ATP8B3: variants seen among roughly 807,000 people sequenced by gnomAD.
ATP8B3 encodes the protein ATPase phospholipid transporting 8B3, also known as phospholipid-transporting ATPase IK.
In ATP8B3, 141 loss-of-function variants were observed where a neutral mutation model predicts 140.9. The observed-to-expected ratio is 1.00, with a 90% CI of 0.87 to 1.15. The LOEUF (loss-of-function observed/expected upper bound fraction) is 1.15. ATP8B3 is among the 50% of genes most tolerant of loss of function. The probability of loss-of-function intolerance (pLI) is 0.00; values close to 1 mark genes in which losing one functional copy is unlikely to be tolerated. For synonymous variants in ATP8B3, 765 were observed against 714.6 expected (o/e 1.07, Z -1.13); for missense variants, 1,874 against 1,740.6 (o/e 1.08, Z -1.36).
Position 1,785,817 on chromosome 19 carries a change from T to C in ATP8B3, c.3154-109A>G, listed in dbSNP as rs2145170047. 5.8e-6 allele frequency: 7 copies of C among 1,209,652 alleles called. No homozygotes were observed. In the East Asian group the frequency reaches 1.8e-4, roughly 31 times the overall value. 74.9% of individuals were successfully genotyped at this position (1,209,652 alleles called of 1,614,324 possible). On this transcript the variant is annotated intron_variant, in intron 25 of 28. Transcript: ENST00000310127. ...AGGGTGGCCACTCTCTGTGTGTGGC[T>C]CTTTGAGTTTAAGTGAGTTAAAATA...
chr19:1,796,595 G>T, intron 16 of ATP8B3, 116 bp downstream of exon 16: 1 of 1,341,536 alleles, frequency 7.5e-7, no homozygotes, highest in Non-Finnish European at 9.9e-7. Flanking sequence ...CGGCCTCAGC[G>T]CCCCCCAAGC....
Position 1,811,575 on chromosome 19 carries a change from C to T in ATP8B3, c.162G>A (p.Met54Ile), listed in dbSNP as rs2069189256. The change falls in exon 2 of 29, where the codon ATG becomes ATA. Residue 54 changes from methionine (M) to isoleucine (I), a missense_variant. Coordinates refer to ENST00000310127, the MANE Select transcript of ATP8B3 (RefSeq NM_138813.4). ...RGGETVIRAG[M>I]GDSPGRGAPE... The stretch of plus-strand genomic sequence containing the variant: ...GTGCCCCTCTGCCTGGGGAGTCTCC[C>T]ATCCCAGCTCTGATCACCGTCTCAC... 1 of 1,612,300 alleles carries T rather than the reference C, an allele frequency of 6.2e-7. No homozygotes were observed. The highest frequency in any genetic ancestry group is 1.3e-5 in the African/African-American group (1 of 74,946).
Position 1,796,710 on chromosome 19 carries a change from C to A in ATP8B3, c.1753+1G>T, listed in dbSNP as rs1358676668. 1 of 1,608,802 alleles carries A rather than the reference C, an allele frequency of 6.2e-7. No homozygotes were observed. The highest frequency in any genetic ancestry group is 8.5e-7 in the Non-Finnish European group (1 of 1,178,764). Reference sequence around the variant, plus strand: ...AGAGATGGGGAGGTGGGTGGGCGCACCTGGGCGCTCACGGGGGCTCTCCCG... The same window carrying A: ...AGAGATGGGGAGGTGGGTGGGCGCAACTGGGCGCTCACGGGGGCTCTCCCG... On this transcript the variant is annotated splice_donor_variant, in intron 16 of 28. Coordinates refer to ENST00000310127, the MANE Select transcript of ATP8B3 (RefSeq NM_138813.4). LOFTEE classifies it high-confidence loss of function.
Position 1,811,792 on chromosome 19 carries a change from G to C in ATP8B3, c.-56C>G. 6.6e-7 allele frequency: 1 copy of C among 1,512,076 alleles called. No homozygotes were observed. Among genetic ancestry groups the C allele is most frequent in the Non-Finnish European group, 8.8e-7 (1 of 1,135,366 alleles). The allele number at this position is 1,512,076 out of a possible 1,614,324, so 93.7% of individuals were successfully genotyped here. A position where few individuals can be genotyped will look rare whatever the true frequency, so the allele number is the denominator to read the frequency against. On this transcript the variant is annotated 5_prime_UTR_variant, in exon 2 of 29. Coordinates refer to ENST00000310127, the MANE Select transcript of ATP8B3 (RefSeq NM_138813.4). ...CGAAGAGGGGTTTAGGCTGTGGGAC[G>C]GGGGAGAGGTGGGGGAGACCCCCGT...
At chr19:1,798,513 C>T (rs1361884736) in intron 14 of ATP8B3, among the ~76,000 whole-genome samples, 9 of 150,134 alleles carry the variant, frequency 6.0e-5, no homozygotes, top group Non-Finnish European at 8.9e-5. Flanking sequence ...CTGAGGCAGG[C>T]AGATCACGAG....
intron 10 of ATP8B3, among the ~76,000 whole-genome samples, chr19:1,803,703 C>T (rs958226389): frequency 6.6e-5 from 10 of 152,026 alleles, no homozygotes; most frequent in Admixed American, 2.0e-4. Flanking sequence ...TCGAGACCAG[C>T]CTCACCAACA....
chr19:1,805,831 T>C lies in ATP8B3; in HGVS notation c.821+57A>G. On this transcript the variant is annotated intron_variant, in intron 9 of 28. Coordinates refer to ENST00000310127, the MANE Select transcript of ATP8B3 (RefSeq NM_138813.4). The surrounding 1 kb of genome is among the most constrained non-coding windows in gnomAD (Gnocchi z 5.2). ...CTCCTTGGTGACTGGGGAAGGGGGC[T>C]CCTCCGGGCCATGCTCCCCACCCCC... 6 of 1,599,796 alleles carry C rather than the reference T, an allele frequency of 3.8e-6. No individual in the cohort carries two copies. The East Asian group carries it at 6.7e-5, about 18-fold the overall frequency.
intron 24 of ATP8B3, among the ~76,000 whole-genome samples, chr19:1,787,392 C>T (rs1217635078): frequency 6.6e-6 from 1 of 152,124 alleles, no homozygotes; most frequent in African/African-American, 2.4e-5. Context: ...CAAATTCCCT[C>T]ATAATGGCAC....
Position 1,806,390 on chromosome 19 carries a change from T to C in ATP8B3, c.678-221A>G, listed in dbSNP as rs2069020622. 2 of 1,442,972 alleles carry C rather than the reference T, an allele frequency of 1.4e-6. No individual in the cohort carries two copies. The highest frequency in any genetic ancestry group is 1.8e-6 in the Non-Finnish European group (2 of 1,104,806). 89.4% of individuals were successfully genotyped at this position (1,442,972 alleles called of 1,614,324 possible). ...TCCTGCACCCACGTCCTCTTCAGAC[T>C]TTCCTTGTCCTCCCCATCGCCCGAG... On this transcript the variant is annotated intron_variant, in intron 7 of 28. Coordinates refer to ENST00000310127, the MANE Select transcript of ATP8B3 (RefSeq NM_138813.4). This position sits in a 1 kb window ranked among gnomAD's most constrained non-coding sequence, Gnocchi z 5.6.
At chr19:1,810,724 G>A in intron 2 of ATP8B3, 41 bp from the exon 3 acceptor site, 1 of 1,587,040 alleles carries the variant, frequency 6.3e-7, no homozygotes, top group East Asian at 2.3e-5. Context: ...AGTGACCCCA[G>A]CCCTTGCTGG....
chr19:1,784,796 C>A, intron 28 of ATP8B3, 23 bp downstream of exon 28: 2 of 1,577,604 alleles, frequency 1.3e-6, no homozygotes, highest in Non-Finnish European at 1.7e-6. Flanking sequence ...CAGATGAGGA[C>A]CCCAGGCCCA....
chr19:1,784,848 A>G lies in ATP8B3; in HGVS notation c.3631T>C (p.Phe1211Leu), dbSNP rs767293026. 163 of 1,610,086 alleles carry G rather than the reference A, an allele frequency of 1.0e-4. No individual in the cohort carries two copies. Among genetic ancestry groups the G allele is most frequent in the Admixed American group, 3.4e-4 (20 of 59,538 alleles). ...GCACGTAGCTCCTTGAGGGCTGGGA[A>G]GATGACTCGGAGGGCCAGGACAGGG... ...TFPVLALRVI[F>L]PALKELRAKE... is the part of the protein sequence containing the mutation. Residue 1211 changes from phenylalanine (F) to leucine (L), a missense_variant, in exon 28 of 29, where the codon TTC (phenylalanine) becomes CTC (leucine). Phe to Leu is a conservative substitution (Grantham distance 22). This residue lies in a region of ATP8B3 where 840 missense variants were observed against 760.9 expected (regional missense o/e 1.10). Transcript: ENST00000310127.
intron 10 of ATP8B3, among the ~76,000 whole-genome samples, chr19:1,804,545 T>C (rs2068951517): frequency 6.6e-6 from 1 of 151,960 alleles, no homozygotes; most frequent in Non-Finnish European, 1.5e-5. Flanking sequence ...GAGGCGGAGC[T>C]TGCAGTGAGC....
chr19:1,799,789 C>T (rs2068785175), intron 14 of ATP8B3, 158 bp downstream of exon 14: 1 of 750,506 alleles, frequency 1.3e-6, no homozygotes, highest in Non-Finnish European at 2.2e-6. Flanking sequence ...ATTTTCCTGG[C>T]CCCCTCCAAA....
rs1227081923 is a variant in ATP8B3, at chr19:1,789,035, G to A, written c.2931C>T (p.Phe977=). ...CGTGCACCAGCAGGAGGCGCTGCAGGAAGCAGAACTGGCCGAGCACGAAGT... is the reference window on the plus strand; with the variant it reads ...CGTGCACCAGCAGGAGGCGCTGCAGAAAGCAGAACTGGCCGAGCACGAAGT... ...NSDFVLGQFC[F]LQRLLLVHGR... Residue 977 remains phenylalanine (F), a synonymous_variant, in exon 24 of 29, where the codon TTC becomes TTT. Coordinates refer to ENST00000310127, the MANE Select transcript of ATP8B3 (RefSeq NM_138813.4). The A allele has an allele frequency of 2.5e-6, 4 of 1,608,696 alleles. No homozygotes were observed. The highest frequency in any genetic ancestry group is 3.4e-6 in the Non-Finnish European group (4 of 1,178,216).
In ATP8B3 at chr19:1,805,808, C is replaced by T; in HGVS notation, c.821+80G>A. ...TCTGAGCGACCTTGGCTGGCCGCCTCCTTGGTGACTGGGGAAGGGGGCTCC... is the reference window on the plus strand; with the variant it reads ...TCTGAGCGACCTTGGCTGGCCGCCTTCTTGGTGACTGGGGAAGGGGGCTCC... On this transcript the variant is annotated intron_variant, in intron 9 of 28. Transcript: ENST00000310127. This position sits in a 1 kb window ranked among gnomAD's most constrained non-coding sequence, Gnocchi z 5.2. 6.4e-7 allele frequency: 1 copy of T among 1,570,124 alleles called. No individual in the cohort carries two copies. Among genetic ancestry groups the T allele is most frequent in the Non-Finnish European group, 8.7e-7 (1 of 1,146,178 alleles).
rs755700158 is a variant in ATP8B3 at position 1,806,069 on chromosome 19, T to C, written c.750+28A>G. 3.5e-5 allele frequency: 56 copies of C among 1,601,940 alleles called. No homozygotes were observed. The East Asian group carries it at 1.2e-3, about 35-fold the overall frequency. On this transcript the variant is annotated intron_variant, in intron 8 of 28. Coordinates refer to ENST00000310127, the MANE Select transcript of ATP8B3 (RefSeq NM_138813.4). This position sits in a 1 kb window ranked among gnomAD's most constrained non-coding sequence, Gnocchi z 5.6. ...CTCTCGGTGAGGGGGCGCGTGGTTC[T>C]GGGACCTCGGGGTCAACCCCAGCTC...
chr19:1,796,230 C>G lies in ATP8B3; in HGVS notation c.1789G>C (p.Gly597Arg). 6.2e-7 allele frequency: 1 copy of G among 1,612,456 alleles called. No homozygotes were observed. The highest frequency in any genetic ancestry group is 2.2e-5 in the East Asian group (1 of 44,860). ...TTCCGGGCTGCGGTGACCAGCGCCC[C>G]CTCGTCGGGGGAGGCCGCCTGGTAC... ...LLYQAASPDE[G>R]ALVTAARNFG... is the part of the protein sequence containing the mutation. Residue 597 changes from glycine (G) to arginine (R), a missense_variant, in exon 17 of 29, where the codon GGG becomes CGG. Gly to Arg is a moderately radical substitution (Grantham distance 125). This residue lies in a region of ATP8B3 where 1,032 missense variants were observed against 963.6 expected (regional missense o/e 1.07). Coordinates refer to ENST00000310127, the MANE Select transcript of ATP8B3 (RefSeq NM_138813.4).
chr19:1,797,004 C>G lies in ATP8B3; in HGVS notation c.1554G>C (p.Gly518=), dbSNP rs775479121. 3.2e-5 allele frequency: 51 copies of G among 1,613,104 alleles called. No individual in the cohort carries two copies. The South Asian group carries it at 5.5e-4, about 17-fold the overall frequency. ...GTCGGGTCGTGGCCTCTGAATCCGGCCCTGGGGAAAGACACAGCTTCCTGC... is the reference window on the plus strand; with the variant it reads ...GTCGGGTCGTGGCCTCTGAATCCGGGCCTGGGGAAAGACACAGCTTCCTGC... The part of the protein sequence containing the change: ...NKCCISGRVY[G]PDSEATTRPK... Residue 518 remains glycine (G), a splice_region_variant and synonymous_variant, in exon 15 of 29, where the codon GGG becomes GGC. Coordinates refer to ENST00000310127, the MANE Select transcript of ATP8B3 (RefSeq NM_138813.4).
Sources: allele counts gnomAD v4.1 joint callset (sites outside exome capture counted in the v4.1 genomes callset), GRCh38; gene constraint gnomAD v4.1.1; regional missense constraint gnomAD v4.1.1; non-coding constraint Gnocchi (gnomAD v3.1); transcripts MANE v1.5; gene names NCBI Gene and HGNC (gene_info 2026-07-23, HGNC 2026-07-21).